The following RPL37A variants were observed in gnomAD, a reference collection of about 807,000 sequenced individuals.
The protein encoded by RPL37A is ribosomal protein L37a, also known as large ribosomal subunit protein eL43.
A neutral mutation model predicts 13.6 loss-of-function variants in RPL37A; 5 were observed. The observed-to-expected ratio is 0.37, with a 90% CI of 0.19 to 0.78. The LOEUF (loss-of-function observed/expected upper bound fraction) is 0.78, where lower values mean the gene tolerates loss of function less well. Ranked by LOEUF, RPL37A falls within the 30% of genes least tolerant of loss-of-function variation. The pLI, the probability that RPL37A is intolerant of heterozygous loss-of-function variation, is 0.49. For missense variants in RPL37A, 77 were observed against 120.0 expected, an observed-to-expected ratio of 0.64 and a Z score of 1.67; for synonymous variants, 50 against 44.4, an observed-to-expected ratio of 1.13 and a Z score of -0.50.
rs953687188 is a variant in RPL37A at position 216,499,982 on chromosome 2, C to T, written c.166C>T (p.His56Tyr). The change falls in exon 3 of 4, where the codon CAC (histidine) becomes TAC (tyrosine). Residue 56 changes from histidine to tyrosine, a missense_variant. This residue lies in a region of RPL37A where 59 missense variants were observed against 65.5 expected (regional missense o/e 0.90). Transcript: ENST00000491306. ...KMKRRAVGIW[H>Y]CGSCMKTVAG... The stretch of plus-strand genomic sequence containing the variant: ...GAAGAGACGAGCTGTGGGGATCTGG[C>T]ACTGTGGTTCCTGCATGAAGACAGT... 1.2e-5 allele frequency: 19 copies of T among 1,613,936 alleles called. No homozygotes were observed. Among genetic ancestry groups the T allele is most frequent in the Admixed American group, 3.3e-5 (2 of 60,000 alleles).
In RPL37A at chr2:216,501,477, C is replaced by A; in HGVS notation, c.*73C>A. 1 of 1,045,164 alleles carries A rather than the reference C, an allele frequency of 9.6e-7. No individual in the cohort carries two copies. The highest frequency in any genetic ancestry group is 1.5e-6 in the Non-Finnish European group (1 of 680,070). The allele number at this position is 1,045,164 out of a possible 1,614,324, so 64.7% of individuals were successfully genotyped here. On this transcript the variant is annotated 3_prime_UTR_variant, in exon 4 of 4. Transcript: ENST00000491306. ...AATTTATGTAACAAAATTGCCTTGG[C>A]TTGTTAACTTTATTAGACATTCTGA...
chr2:216,500,235 C>T (rs1267078881), intron 3 of RPL37A: 1 of 595,170 alleles, frequency 1.7e-6, no homozygotes, highest in Admixed American at 3.0e-5. Context: ...AGTCGGAAAT[C>T]TAATTCACAG....
At chr2:216,501,184 C>T in intron 3 of RPL37A, 157 bp from the exon 4 acceptor site, 1 of 570,754 alleles carries the variant, frequency 1.8e-6, no homozygotes, top group Non-Finnish European at 3.1e-6. Flanking sequence ...TTTGGATTGA[C>T]TGCAGCAAAG....
At chr2:216,499,854 C>A (rs1272418299) in intron 2 of RPL37A, 95 bp from the exon 3 acceptor site, 2 of 1,048,614 alleles carry the variant, frequency 1.9e-6, no homozygotes, top group Non-Finnish European at 3.0e-6. Context: ...GCTTTCACAT[C>A]CCTGACAATA....
In RPL37A at chr2:216,503,679, G is replaced by T. The variant is rs920586403; in HGVS notation, c.*2275G>T. 1.3e-5 allele frequency: 2 copies of T among 152,152 alleles called. No individual in the cohort carries two copies. The highest frequency in any genetic ancestry group is 1.3e-4 in the Admixed American group (2 of 15,264). The allele number at this position is 152,152 out of a possible 1,614,324, so 9.4% of individuals were successfully genotyped here. Reference sequence around the variant, plus strand: ...TGGCCTCCCAAAGTGCTGGGATTCTGTAAGCCACCTCACCCAGCCATGTAT... The same window carrying T: ...TGGCCTCCCAAAGTGCTGGGATTCTTTAAGCCACCTCACCCAGCCATGTAT... On this transcript the variant is annotated 3_prime_UTR_variant, in exon 4 of 4. Transcript: ENST00000491306.
chr2:216,503,802 A>AT lies in RPL37A; in HGVS notation c.*2402dup, dbSNP rs1695636541. Reference sequence around the variant, plus strand: ...TATTTTTATACCTAAGGAAATAGTGATTTTCCCAAGATGATAGGGAGGCAG... The same window carrying AT: ...TATTTTTATACCTAAGGAAATAGTGATTTTTCCCAAGATGATAGGGAGGCAG... On this transcript the variant is annotated 3_prime_UTR_variant, in exon 4 of 4. Coordinates refer to ENST00000491306, the MANE Select transcript of RPL37A (RefSeq NM_000998.5). 5.3e-5 allele frequency: 8 copies of AT among 152,182 alleles called. No individual in the cohort carries two copies. 9.4% of individuals were successfully genotyped at this position (152,182 alleles called of 1,614,324 possible).
At chr2:216,500,079 C>A in intron 3 of RPL37A, 48 bp downstream of exon 3, 1 of 1,473,534 alleles carries the variant, frequency 6.8e-7, no homozygotes, top group Non-Finnish European at 9.5e-7. Flanking sequence ...ACCACATAGG[C>A]CCAAATTCCA....
intron 1 of RPL37A, 28 bp downstream of exon 1, chr2:216,498,905 A>G (rs773291361): frequency 1.2e-6 from 2 of 1,613,840 alleles, no homozygotes; most frequent in Non-Finnish European, 1.7e-6. Context: ...TGCGGCCTAG[A>G]ACTCTATCTG....
intron 3 of RPL37A, 45 bp downstream of exon 3, chr2:216,500,076 A>T: frequency 6.7e-7 from 1 of 1,493,044 alleles, no homozygotes; most frequent in Non-Finnish European, 9.3e-7. Flanking sequence ...TGGACCACAT[A>T]GGCCCAAATT....
rs1257800336 is a variant in RPL37A, at chr2:216,501,673, T to A, written c.*269T>A. 3 of 299,382 alleles carry A rather than the reference T, an allele frequency of 1.0e-5. No individual in the cohort carries two copies. The highest frequency in any genetic ancestry group is 1.9e-5 in the Non-Finnish European group (3 of 161,966). 18.5% of individuals were successfully genotyped at this position (299,382 alleles called of 1,614,324 possible). On this transcript the variant is annotated 3_prime_UTR_variant, in exon 4 of 4. Coordinates refer to ENST00000491306, the MANE Select transcript of RPL37A (RefSeq NM_000998.5). The stretch of plus-strand genomic sequence containing the variant: ...AAGTCTGCTCCTGCCAGTTTGACTT[T>A]GAGATACATTGGAGCCAACTGTAAA...
chr2:216,503,152 A>G lies in RPL37A; in HGVS notation c.*1748A>G, dbSNP rs1034891979. 2 of 152,196 alleles carry G rather than the reference A, an allele frequency of 1.3e-5. No homozygotes were observed. Among genetic ancestry groups the G allele is most frequent in the African/African-American group, 2.4e-5 (1 of 41,448 alleles). 9.4% of individuals were successfully genotyped at this position (152,196 alleles called of 1,614,324 possible). A position where few individuals can be genotyped will look rare whatever the true frequency, so the allele number is the denominator to read the frequency against. ...TGAGTGACCAGGATTTCATGTAAGC[A>G]TAGGGAATTGAATGAGCATTAGATG... On this transcript the variant is annotated 3_prime_UTR_variant, in exon 4 of 4. Coordinates refer to ENST00000491306, the MANE Select transcript of RPL37A (RefSeq NM_000998.5).
chr2:216,500,348 A>G (rs2106109995), intron 3 of RPL37A: 1 of 360,854 alleles, frequency 2.8e-6, no homozygotes, highest in Non-Finnish European at 5.1e-6. Flanking sequence ...GTTGATTTGC[A>G]CTGCAAGTTT....
chr2:216,499,484 C>G, intron 2 of RPL37A, 86 bp downstream of exon 2: 1 of 1,499,504 alleles, frequency 6.7e-7, no homozygotes. Context: ...ATTTTATAAG[C>G]CGTGTGCTGG....
In RPL37A at chr2:216,501,494, A is replaced by G. The variant is rs558382341; in HGVS notation, c.*90A>G. ...TGCCTTGGCTTGTTAACTTTATTAG[A>G]CATTCTGATGTTTGCATTGTGTAAA... On this transcript the variant is annotated 3_prime_UTR_variant, in exon 4 of 4. Coordinates refer to ENST00000491306, the MANE Select transcript of RPL37A (RefSeq NM_000998.5). The G allele has an allele frequency of 9.2e-5, 78 of 847,810 alleles. 2 individuals are homozygous for G. In the South Asian group the frequency reaches 1.1e-3, roughly 12 times the overall value. The allele number at this position is 847,810 out of a possible 1,614,324, so 52.5% of individuals were successfully genotyped here. A position where few individuals can be genotyped will look rare whatever the true frequency, so the allele number is the denominator to read the frequency against.
At chr2:216,499,220 C>A in intron 1 of RPL37A, 50 bp from the exon 2 acceptor site, 1 of 1,584,918 alleles carries the variant, frequency 6.3e-7, no homozygotes, top group Non-Finnish European at 8.6e-7. Context: ...GGCTCCAGGG[C>A]CTGCCTGGGT....
In RPL37A at chr2:216,498,871, C is replaced by G. The variant is rs775792567; in HGVS notation, c.-4C>G. On this transcript the variant is annotated 5_prime_UTR_variant, in exon 1 of 4. Transcript: ENST00000491306. ...TTCTGGGCTCGGACCTAGGTCGCGG[C>G]GACATGGTGAGTGTGGGTCTCTGTG... 8.1e-6 allele frequency: 13 copies of G among 1,614,102 alleles called. No individual in the cohort carries two copies. The highest frequency in any genetic ancestry group is 2.2e-5 in the South Asian group (2 of 91,084).
Position 216,501,486 on chromosome 2 carries a change from T to C in RPL37A, c.*82T>C. 1.1e-6 allele frequency: 1 copy of C among 911,220 alleles called. No homozygotes were observed. The highest frequency in any genetic ancestry group is 2.0e-5 in the Admixed American group (1 of 49,308). 56.4% of individuals were successfully genotyped at this position (911,220 alleles called of 1,614,324 possible). On this transcript the variant is annotated 3_prime_UTR_variant, in exon 4 of 4. Coordinates refer to ENST00000491306, the MANE Select transcript of RPL37A (RefSeq NM_000998.5). ...AACAAAATTGCCTTGGCTTGTTAAC[T>C]TTATTAGACATTCTGATGTTTGCAT... is the stretch of plus-strand genomic sequence containing the variant.
In RPL37A at chr2:216,501,024, T is replaced by TA. The variant is rs879316825; in HGVS notation, c.216-307dup. On this transcript the variant is annotated intron_variant, in intron 3 of 3. Transcript: ENST00000491306. ...TGCTTGTCCACAACTGAGTTACTTA[T>TA]AAAAAAAAAAGCAACTCTGGTTGAG... 3.8e-3 allele frequency: 753 copies of TA among 198,516 alleles called. 1 individual carries two copies. Among genetic ancestry groups the TA allele is most frequent in the South Asian group, 5.6e-3 (54 of 9,670 alleles). The allele number at this position is 198,516 out of a possible 1,614,324, so 12.3% of individuals were successfully genotyped here. A position where few individuals can be genotyped will look rare whatever the true frequency, so the allele number is the denominator to read the frequency against.
chr2:216,500,479 C>T, intron 3 of RPL37A: 1 of 192,508 alleles, frequency 5.2e-6, no homozygotes, highest in South Asian at 1.0e-4. Flanking sequence ...TGTGAATCTG[C>T]AACTCAGTAT....
Sources: gnomAD v4.1 joint callset for allele counts on GRCh38, gnomAD v4.1.1 for gene constraint, gnomAD v4.1.1 regional missense constraint, MANE v1.5 for transcripts, NCBI Gene and HGNC (gene_info 2026-07-23, HGNC 2026-07-21) for gene names.